TRIOBP: variants seen among roughly 807,000 people sequenced by gnomAD.
TRIOBP encodes the protein TRIO and F-actin-binding protein.
TRIOBP carries 169 observed loss-of-function variants against 238.8 expected under a neutral mutation model. The observed-to-expected ratio is 0.71, with a 90% CI of 0.62 to 0.80. The LOEUF is 0.80. TRIOBP is among the 30% of genes least tolerant of loss of function. The probability of loss-of-function intolerance (pLI) is 0.00; values close to 1 mark genes in which losing one functional copy is unlikely to be tolerated. For synonymous variants in TRIOBP, 1,150 were observed against 1,274.4 expected (o/e 0.90, Z 2.08); for missense variants, 2,838 against 3,122.6 (o/e 0.91, Z 2.17).
chr22:37,765,682 C>T lies in TRIOBP; in HGVS notation c.6337C>T (p.Arg2113Cys), dbSNP rs1410631662. Residue 2113 changes from arginine to cysteine, a missense_variant, in exon 18 of 24, where the codon CGC (arginine) becomes TGC (cysteine). This residue lies in a region of TRIOBP where 2,096 missense variants were observed against 2,137.4 expected (regional missense o/e 0.98). Transcript: ENST00000644935. ...PGYISQEACE[R>C]SLAEMESSHQ... Reference sequence around the variant, plus strand: ...GTCCGGCCCACAGGAGGCATGTGAGCGCAGCCTGGCAGAGATGGAGTCCTC... The same window carrying T: ...GTCCGGCCCACAGGAGGCATGTGAGTGCAGCCTGGCAGAGATGGAGTCCTC... 10 of 1,550,600 alleles carry T rather than the reference C, an allele frequency of 6.4e-6. No homozygotes were observed. The East Asian group carries it at 1.2e-4, about 19-fold the overall frequency.
intron 7 of TRIOBP, among the ~76,000 whole-genome samples, chr22:37,729,387 TCTA>T (rs1924320809): frequency 6.6e-6 from 1 of 152,158 alleles, no homozygotes; most frequent in Non-Finnish European, 1.5e-5. Context: ...AGCTAATTTT[TCTA>T]CTTTTTGTAG....
At position 37,716,411 on chromosome 22, in the gene TRIOBP, G is replaced by A. The variant is rs117806538; in HGVS notation, c.628+477G>A. On this transcript the variant is annotated intron_variant, in intron 6 of 23. Coordinates refer to ENST00000644935, the MANE Select transcript of TRIOBP (RefSeq NM_001039141.3). ...ACAGGCGTGATTACAGGCACGCCTAGCCTGTTATTATTATTATTATTACTA... is the reference window on the plus strand; with the variant it reads ...ACAGGCGTGATTACAGGCACGCCTAACCTGTTATTATTATTATTATTACTA... Among the ~76,000 whole-genome samples, 327 of 151,944 alleles carry A rather than the reference G, an allele frequency of 2.2e-3. 8 individuals are homozygous for A. In the East Asian group the frequency reaches 0.054, roughly 25 times the overall value.
At chr22:37,722,780 A>T (rs1159709514) in intron 6 of TRIOBP, among the ~76,000 whole-genome samples, 1 of 152,200 alleles carries the variant, frequency 6.6e-6, no homozygotes, top group Non-Finnish European at 1.5e-5. Context: ...TGATTGAAGG[A>T]AATAGAACTG....
chr22:37,710,101 C>G (rs62236745), intron 3 of TRIOBP, among the ~76,000 whole-genome samples: 2 of 152,186 alleles, frequency 1.3e-5, no homozygotes, highest in Non-Finnish European at 2.9e-5. Context: ...GGTGTACCCG[C>G]GGGACCTGCG....
At chr22:37,702,634 C>CTTT (rs34625454) in intron 3 of TRIOBP, among the ~76,000 whole-genome samples, 4,051 of 81,172 alleles carry the variant, frequency 0.05, 149 homozygotes, top group African/African-American at 0.082. Flanking sequence ...TTCTCTCTCT[C>CTTT]TTTTTTTTTT....
intron 11 of TRIOBP, among the ~76,000 whole-genome samples, chr22:37,746,711 G>T (rs550255671): frequency 1.3e-5 from 2 of 152,374 alleles, no homozygotes; most frequent in East Asian, 3.9e-4. Flanking sequence ...TGCGGCACCA[G>T]TCACGGGTGG....
rs751801049 is a variant in TRIOBP at position 37,725,257 on chromosome 22, A to G, written c.2701A>G (p.Asn901Asp). Residue 901 changes from asparagine (N) to aspartate (D), a missense_variant, in exon 7 of 24, where the codon AAC becomes GAC. Transcript: ENST00000644935. ...NPRNSSPHRT[N>D]KDIPWASFPL... ...CAGGAATTCATCTCCCCATCGTACTAACAAAGACATCCCCTGGGCCTCGTT... is the reference window on the plus strand; with the variant it reads ...CAGGAATTCATCTCCCCATCGTACTGACAAAGACATCCCCTGGGCCTCGTT... 6 of 1,613,878 alleles carry G rather than the reference A, an allele frequency of 3.7e-6. No individual in the cohort carries two copies. In the African/African-American group the frequency reaches 8.0e-5, roughly 22 times the overall value.
chr22:37,770,061 T>G (rs74502841), intron 21 of TRIOBP, among the ~76,000 whole-genome samples: 1 of 150,188 alleles, frequency 6.7e-6, no homozygotes, highest in Non-Finnish European at 1.5e-5. Flanking sequence ...TTTTTTTTTT[T>G]GAGACAGAGT....
chr22:37,718,446 C>T (rs1475061332), intron 6 of TRIOBP, among the ~76,000 whole-genome samples: 1 of 152,122 alleles, frequency 6.6e-6, no homozygotes, highest in Non-Finnish European at 1.5e-5. Context: ...GAGAGAAAGG[C>T]ACCCTTAGGC....
intron 17 of TRIOBP, among the ~76,000 whole-genome samples, chr22:37,764,289 C>G (rs184567061): frequency 6.6e-6 from 1 of 152,216 alleles, no homozygotes; most frequent in African/African-American, 2.4e-5. Context: ...CCTACCTTTT[C>G]TGTGTTTTCT....
chr22:37,723,338 C>T lies in TRIOBP; in HGVS notation c.782C>T (p.Pro261Leu), dbSNP rs1569040094. The change falls in exon 7 of 24, where the codon CCT becomes CTT. Residue 261 changes from proline to leucine, a missense_variant. Pro to Leu is a moderately conservative substitution (Grantham distance 98). Around this residue, in one of 5 missense-constraint regions of TRIOBP, gnomAD observed 535 missense variants for 537.3 expected, o/e 1.00. Coordinates refer to ENST00000644935, the MANE Select transcript of TRIOBP (RefSeq NM_001039141.3). ...CGAAGCACCACGTCTCAGGCTTCTC[C>T]TGCCCAAAGGGACACTGCTCAGGCT... The part of the protein sequence containing the change: ...GPRSTTSQAS[P>L]AQRDTAQAAS... The T allele has an allele frequency of 6.2e-7, 1 of 1,614,132 alleles. No individual in the cohort carries two copies. Among genetic ancestry groups the T allele is most frequent in the South Asian group, 1.1e-5 (1 of 91,088 alleles).
intron 6 of TRIOBP, 126 bp from the exon 7 acceptor site, chr22:37,723,059 G>C: frequency 1.1e-6 from 1 of 909,192 alleles, no homozygotes; most frequent in Non-Finnish European, 1.7e-6. Context: ...GGTACAGACA[G>C]TGAGACCTGT....
chr22:37,747,101 T>TA, intron 11 of TRIOBP, among the ~76,000 whole-genome samples: 1 of 152,096 alleles, frequency 6.6e-6, no homozygotes, highest in African/African-American at 2.4e-5. Flanking sequence ...GGGTGAGCTG[T>TA]ACCCAAGCCC....
rs1264897054 is a variant in TRIOBP, at chr22:37,723,413, A to C, written c.857A>C (p.Gln286Pro). The change falls in exon 7 of 24, where the codon CAA (glutamine) becomes CCA (proline). Residue 286 changes from glutamine (Q) to proline (P), a missense_variant. Around this residue, in one of 5 missense-constraint regions of TRIOBP, gnomAD observed 535 missense variants for 537.3 expected, o/e 1.00. Transcript: ENST00000644935. ...PRASSPHRIT[Q>P]RDTSRASSTQ... The stretch of plus-strand genomic sequence containing the variant: ...GCCTCCTCTCCCCATCGAATCACCC[A>C]AAGGGACACCTCCAGGGCCTCATCC... 2 of 1,612,334 alleles carry C rather than the reference A, an allele frequency of 1.2e-6. No individual in the cohort carries two copies. Among genetic ancestry groups the C allele is most frequent in the Non-Finnish European group, 1.7e-6 (2 of 1,179,382 alleles).
At position 37,751,820 on chromosome 22, in the gene TRIOBP, C is replaced by T; in HGVS notation, c.5371C>T (p.Pro1791Ser). 6.2e-7 allele frequency: 1 copy of T among 1,614,018 alleles called. No individual in the cohort carries two copies. The highest frequency in any genetic ancestry group is 8.5e-7 in the Non-Finnish European group (1 of 1,179,992). ...GGGATGGATGTCGATCTTGGACGAG[C>T]CTGGAGAGGTAAGAGGACTGAGGCC... ...KKGWMSILDEPGEPPSPSLTT... is the reference protein window; with the variant it reads ...KKGWMSILDESGEPPSPSLTT... Residue 1791 changes from proline to serine, a missense_variant, in exon 12 of 24, where the codon CCT becomes TCT. Coordinates refer to ENST00000644935, the MANE Select transcript of TRIOBP (RefSeq NM_001039141.3).
intron 4 of TRIOBP, 44 bp downstream of exon 4, chr22:37,710,610 A>G (rs1486242762): frequency 6.3e-7 from 1 of 1,589,470 alleles, no homozygotes; most frequent in Non-Finnish European, 8.5e-7. Flanking sequence ...ATGGGGTGGA[A>G]TGCCCTCACC....
chr22:37,773,113 C>T (rs1169777306), intron 23 of TRIOBP, among the ~76,000 whole-genome samples: 3 of 152,150 alleles, frequency 2.0e-5, no homozygotes, highest in African/African-American at 7.2e-5. Flanking sequence ...ACACATCGCA[C>T]GCTGAGGCCG....
At position 37,755,124 on chromosome 22, in the gene TRIOBP, C is replaced by A. The variant is rs763019815; in HGVS notation, c.5511C>A (p.Ile1837=). The A allele has an allele frequency of 6.2e-7, 1 of 1,613,694 alleles. No individual in the cohort carries two copies. Residue 1837 remains isoleucine (I), a synonymous_variant, in exon 14 of 24, where the codon ATC becomes ATA. Coordinates refer to ENST00000644935, the MANE Select transcript of TRIOBP (RefSeq NM_001039141.3). ...AGGCAGATGAGCTGGATGGTGAGAT[C>A]GACCTGCGTTCCTGCACGGATGTCA... ...AEEADELDGE[I]DLRSCTDVTE...
In TRIOBP at chr22:37,758,044, A is replaced by G. The variant is rs1601659625; in HGVS notation, c.6119A>G (p.Glu2040Gly). The G allele has an allele frequency of 6.2e-7, 1 of 1,611,908 alleles. No individual in the cohort carries two copies. Among genetic ancestry groups the G allele is most frequent in the Middle Eastern group, 1.8e-4 (1 of 5,474 alleles). Reference protein sequence around the residue: ...WQELEKLPLRENKRVPLTALL... With the variant: ...WQELEKLPLRGNKRVPLTALL... ...GAGCTGGAGAAGCTGCCCCTGCGGG[A>G]GAATAAGCGGGTGCCCCTCACTGCC... Residue 2040 changes from glutamate to glycine, a missense_variant, in exon 16 of 24, where the codon GAG becomes GGG. Coordinates refer to ENST00000644935, the MANE Select transcript of TRIOBP (RefSeq NM_001039141.3).
Sources: allele counts gnomAD v4.1 joint callset (sites outside exome capture counted in the v4.1 genomes callset), GRCh38; gene constraint gnomAD v4.1.1; regional missense constraint gnomAD v4.1.1; transcripts MANE v1.5; gene names NCBI Gene and HGNC (gene_info 2026-07-23, HGNC 2026-07-21).